N4BP2L2: variants seen among roughly 807,000 people sequenced by gnomAD.
N4BP2L2 encodes NEDD4-binding protein 2-like 2.
N4BP2L2 carries 50 observed loss-of-function variants against 56.2 expected under a neutral mutation model. The ratio of observed to expected loss-of-function variants is 0.89; its 90% CI spans 0.71 to 1.13. The LOEUF (loss-of-function observed/expected upper bound fraction) is 1.13, where lower values mean the gene tolerates loss of function less well. Among genes scored for constraint, N4BP2L2 ranks in the 50% most tolerant of loss-of-function variants. The pLI is 0.00. For missense variants in N4BP2L2, 689 were observed against 693.8 expected (o/e 0.99, Z 0.08); for synonymous variants, 203 against 223.6 (o/e 0.91, Z 0.82).
chr13:32,532,960 G>C (rs542271242), intron 2 of N4BP2L2, among the ~76,000 whole-genome samples: 3 of 150,544 alleles, frequency 2.0e-5, no homozygotes, highest in East Asian at 3.9e-4. Flanking sequence ...CTGGCCTCAA[G>C]TGATGCTCCC....
chr13:32,518,089 T>A (rs1056680386), intron 5 of N4BP2L2, 86 bp from the exon 6 acceptor site: 1 of 1,198,710 alleles, frequency 8.3e-7, no homozygotes, highest in African/African-American at 1.5e-5. Context: ...AGCACACAAA[T>A]TCTAAATAAT....
intron 6 of N4BP2L2, among the ~76,000 whole-genome samples, chr13:32,459,847 C>G (rs936740515): frequency 2.0e-5 from 3 of 151,992 alleles, no homozygotes; most frequent in Non-Finnish European, 4.4e-5. Flanking sequence ...GACAAGGACA[C>G]AGCAAAAAAA....
At chr13:32,484,950 C>T (rs140286801) in intron 6 of N4BP2L2, among the ~76,000 whole-genome samples, 2 of 152,260 alleles carry the variant, frequency 1.3e-5, no homozygotes, top group East Asian at 3.9e-4. Context: ...CATAAGAACA[C>T]ATTTATAAAG....
At chr13:32,442,692 TTTC>T (rs1490780245) in exon 7 of N4BP2L2, 2 of 1,613,754 alleles carry the variant, frequency 1.2e-6, no homozygotes, top group Middle Eastern at 3.3e-4. Flanking sequence ...TCAAAAACAG[TTTC>T]TTGTTTGTAA....
chr13:32,450,313 T>C (rs80223424), intron 6 of N4BP2L2, among the ~76,000 whole-genome samples: 1 of 151,812 alleles, frequency 6.6e-6, no homozygotes, highest in East Asian at 1.9e-4. Flanking sequence ...GTAAAAAAAT[T>C]ATATATAAAA....
At chr13:32,532,586 TTTTC>T (rs2055169095) in intron 2 of N4BP2L2, among the ~76,000 whole-genome samples, 3 of 146,398 alleles carry the variant, frequency 2.0e-5, no homozygotes, top group African/African-American at 5.4e-5. Flanking sequence ...CTCTTTTCTT[TTTTC>T]TTTTTTTTTT....
intron 5 of N4BP2L2, among the ~76,000 whole-genome samples, chr13:32,519,271 G>C (rs1389063946): frequency 6.6e-6 from 1 of 151,518 alleles, no homozygotes; most frequent in Non-Finnish European, 1.5e-5. Flanking sequence ...AATTAGCTGG[G>C]CATGGTGGTG....
chr13:32,503,808 G>A (rs1402826867), intron 6 of N4BP2L2, among the ~76,000 whole-genome samples: 1 of 152,180 alleles, frequency 6.6e-6, no homozygotes, highest in African/African-American at 2.4e-5. Flanking sequence ...CACTTCGGGG[G>A]ACCGAGGCAG....
At chr13:32,528,187 C>T (rs977599312) in intron 2 of N4BP2L2, among the ~76,000 whole-genome samples, 3 of 152,112 alleles carry the variant, frequency 2.0e-5, no homozygotes, top group Non-Finnish European at 4.4e-5. Flanking sequence ...TTTTATTTGC[C>T]TCAATCTAGT....
chr13:32,516,844 AGGTAAAGCTTGGTTT>A (rs996936898), exon 6 of N4BP2L2: 2 of 946,350 alleles, frequency 2.1e-6, no homozygotes, highest in African/African-American at 3.6e-5. Flanking sequence ...AGGTTAGTCT[AGGTAAAGCTTGGTTT>A]GAAGGCAGGG....
At chr13:32,511,663 A>C (rs2048161844) in exon 6 of N4BP2L2, 1 of 152,212 alleles carries the variant, frequency 6.6e-6, no homozygotes, top group East Asian at 1.9e-4. Flanking sequence ...CAATGAGTTC[A>C]GTAGAATACA....
In N4BP2L2 at chr13:32,527,346, A is replaced by G; in HGVS notation, c.1384+62T>C. 2.6e-6 allele frequency: 4 copies of G among 1,564,840 alleles called. No homozygotes were observed. In the South Asian group the frequency reaches 4.6e-5, roughly 18 times the overall value. The stretch of plus-strand genomic sequence containing the variant: ...TGGTAAAAACCTAAGCTGAAAATAA[A>G]ATCTAGGTCTTTTGACTCCTAGCCA... On this transcript the variant is annotated intron_variant, in intron 3 of 5. Transcript: ENST00000267068.
chr13:32,443,047 G>A (rs987596340), exon 7 of N4BP2L2: 8 of 1,607,112 alleles, frequency 5.0e-6, no homozygotes, highest in Non-Finnish European at 5.9e-6. Flanking sequence ...GTCAAAATTT[G>A]GTACCAAATT....
exon 6 of N4BP2L2, chr13:32,516,122 T>C (rs1012664677): frequency 1.3e-5 from 2 of 152,212 alleles, no homozygotes; most frequent in Non-Finnish European, 2.9e-5. Context: ...CTAAGAGTTG[T>C]TTCACCTGTC....
At chr13:32,536,499 T>C in exon 2 of N4BP2L2, 1 of 1,612,992 alleles carries the variant, frequency 6.2e-7, no homozygotes, top group Non-Finnish European at 8.5e-7. Context: ...TCAATTTCTT[T>C]GTAAAACTGG....
chr13:32,518,654 T>C (rs2049880964), intron 5 of N4BP2L2, among the ~76,000 whole-genome samples: 1 of 151,976 alleles, frequency 6.6e-6, no homozygotes, highest in South Asian at 2.1e-4. Context: ...ATGGCAAAAC[T>C]TTAAAAAAAG....
intron 6 of N4BP2L2, among the ~76,000 whole-genome samples, chr13:32,445,060 C>A (rs563782794): frequency 6.6e-6 from 1 of 152,130 alleles, no homozygotes; most frequent in Non-Finnish European, 1.5e-5. Context: ...ACCAACCTGG[C>A]CAACGTGGCG....
At chr13:32,439,918 T>C (rs539616459) in intron 7 of N4BP2L2, among the ~76,000 whole-genome samples, 39 of 148,656 alleles carry the variant, frequency 2.6e-4, no homozygotes, top group African/African-American at 9.1e-4. Context: ...CCCACCTACT[T>C]GGGAAGCTGA....
exon 6 of N4BP2L2, chr13:32,515,060 C>A (rs1423499015): frequency 6.6e-6 from 1 of 152,552 alleles, no homozygotes; most frequent in Non-Finnish European, 1.5e-5. Context: ...ATCGCTTGAA[C>A]CTGGGAGGTG....
Sources: allele counts gnomAD v4.1 joint callset (sites outside exome capture counted in the v4.1 genomes callset), GRCh38; gene constraint gnomAD v4.1.1; transcripts MANE v1.5; gene names NCBI Gene and HGNC (gene_info 2026-07-23, HGNC 2026-07-21).